The following UBAP2 variants were observed in gnomAD, a reference collection of about 807,000 sequenced individuals.
UBAP2 encodes ubiquitin-associated protein 2.
Under a neutral mutation model 139.6 loss-of-function variants are expected in UBAP2, and 75 were observed. The ratio of observed to expected loss-of-function variants is 0.54; its 90% CI spans 0.45 to 0.65. The LOEUF is 0.65. Ranked by LOEUF, UBAP2 falls within the 30% of genes least tolerant of loss-of-function variation. The pLI is 0.00. For synonymous variants in UBAP2, 526 were observed against 526.2 expected (o/e 1.00, Z 0.01); for missense variants, 1,368 against 1,369.6 (o/e 1.00, Z 0.02).
intron 6 of UBAP2, among the ~76,000 whole-genome samples, chr9:33,979,185 C>T (rs1820418976): frequency 6.6e-6 from 1 of 152,184 alleles, no homozygotes; most frequent in South Asian, 2.1e-4. Flanking sequence ...TTGCAGTGAG[C>T]TATGATCATG....
At chr9:34,045,219 G>A (rs889615065) in intron 1 of UBAP2, among the ~76,000 whole-genome samples, 1 of 151,586 alleles carries the variant, frequency 6.6e-6, no homozygotes, top group Non-Finnish European at 1.5e-5. Context: ...GGCGGCAGGC[G>A]CCAGTAGTCC....
chr9:34,045,323 G>A (rs1256760381), intron 1 of UBAP2, among the ~76,000 whole-genome samples: 2 of 150,214 alleles, frequency 1.3e-5, no homozygotes, highest in Non-Finnish European at 2.9e-5. Context: ...TCCAATTTGG[G>A]CAACAGTGAG....
intron 12 of UBAP2, 141 bp downstream of exon 12, chr9:33,953,144 C>G: frequency 1.2e-6 from 1 of 804,264 alleles, no homozygotes. Flanking sequence ...GCTGGGATTA[C>G]AGGCATGAGC....
intron 1 of UBAP2, among the ~76,000 whole-genome samples, chr9:34,027,190 T>C (rs568104407): frequency 6.6e-6 from 1 of 152,114 alleles, no homozygotes; most frequent in East Asian, 1.9e-4. Context: ...ATTAAGAATC[T>C]GAGGCCAAGG....
intron 8 of UBAP2, among the ~76,000 whole-genome samples, chr9:33,964,509 A>C (rs189959098): frequency 2.6e-5 from 4 of 152,232 alleles, no homozygotes; most frequent in Admixed American, 2.6e-4. Context: ...AAAGCCATGG[A>C]AGCCAGCACA....
intron 5 of UBAP2, 34 bp from the exon 6 acceptor site, chr9:33,986,871 A>C: frequency 6.3e-7 from 1 of 1,582,188 alleles, no homozygotes. Flanking sequence ...TCAAATTTCC[A>C]TTTCCAAACC....
At chr9:34,031,853 T>C (rs955397634) in intron 1 of UBAP2, among the ~76,000 whole-genome samples, 1 of 151,108 alleles carries the variant, frequency 6.6e-6, no homozygotes, top group Non-Finnish European at 1.5e-5. Flanking sequence ...AAAGTGCTAA[T>C]AGGCCAGGTG....
intron 6 of UBAP2, among the ~76,000 whole-genome samples, chr9:33,985,339 G>A (rs1371512528): frequency 2.0e-5 from 3 of 152,014 alleles, no homozygotes; most frequent in Admixed American, 6.6e-5. Context: ...CTATGTGTTG[G>A]GAACTTTTCA....
chr9:34,009,528 G>A (rs947626849), intron 2 of UBAP2, among the ~76,000 whole-genome samples: 5 of 152,132 alleles, frequency 3.3e-5, no homozygotes, highest in African/African-American at 1.2e-4. Context: ...CCAAAGTGTT[G>A]AGATTACAGG....
Position 33,996,215 on chromosome 9 carries a change from ATACT to A in UBAP2, c.288+4_288+7del. 1 of 1,592,866 alleles carries A rather than the reference ATACT, an allele frequency of 6.3e-7. No individual in the cohort carries two copies. The highest frequency in any genetic ancestry group is 8.6e-7 in the Non-Finnish European group (1 of 1,162,946). On this transcript the variant is annotated splice_donor_5th_base_variant and intron_variant, in intron 4 of 28. Coordinates refer to ENST00000379238, the MANE Select transcript of UBAP2 (RefSeq NM_001370062.2). Reference sequence around the variant, plus strand: ...TGTAAACAATGCAAATCAATTAATAATACTTACTGTGTCTGAATTCCCTTCCAGC... The same window carrying A: ...TGTAAACAATGCAAATCAATTAATAATACTGTGTCTGAATTCCCTTCCAGC...
intron 16 of UBAP2, among the ~76,000 whole-genome samples, chr9:33,938,544 C>A (rs1408916166): frequency 6.6e-6 from 1 of 152,164 alleles, no homozygotes; most frequent in African/African-American, 2.4e-5. Context: ...CGCCTGTAAT[C>A]CCAGCACTTT....
chr9:34,016,358 C>T (rs1193275046), intron 2 of UBAP2, among the ~76,000 whole-genome samples: 2 of 35,100 alleles, frequency 5.7e-5, no homozygotes, highest in African/African-American at 1.1e-4. Flanking sequence ...GAGGCAGCAG[C>T]GGCGGCAGCG....
chr9:34,005,354 G>A (rs1303530309), intron 2 of UBAP2, among the ~76,000 whole-genome samples: 1 of 145,670 alleles, frequency 6.9e-6, no homozygotes, highest in Non-Finnish European at 1.5e-5. Context: ...AGAATCGCTT[G>A]AACCTGGGAG....
At chr9:34,024,872 TA>T (rs996922257) in intron 1 of UBAP2, among the ~76,000 whole-genome samples, 71 of 151,938 alleles carry the variant, frequency 4.7e-4, no homozygotes, top group African/African-American at 1.7e-3. Flanking sequence ...TAATCCCAGC[TA>T]TTTGGGAGGC....
At chr9:33,968,361 C>T in intron 8 of UBAP2, 1 of 577,632 alleles carries the variant, frequency 1.7e-6, no homozygotes, top group South Asian at 1.4e-5. Context: ...TGAGGTTCAA[C>T]AATAACATCA....
chr9:34,018,603 C>T (rs902999463), intron 1 of UBAP2, among the ~76,000 whole-genome samples: 7 of 152,318 alleles, frequency 4.6e-5, no homozygotes, highest in Non-Finnish European at 1.0e-4. Flanking sequence ...GTCACTCACG[C>T]CTGTAATCCC....
chr9:34,022,621 T>C (rs1325651834), intron 1 of UBAP2, among the ~76,000 whole-genome samples: 1 of 151,670 alleles, frequency 6.6e-6, no homozygotes, highest in Non-Finnish European at 1.5e-5. Flanking sequence ...GTATTTTTAG[T>C]AGAGATGGGG....
rs1392044694 is a variant in UBAP2, at chr9:33,923,016, T to C, written c.3022A>G (p.Ser1008Gly). ...GTCATATCAGGTAGACCAGTGGTGC[T>C]TGAAGACACTGATACTCCTAGGAGG... ...GPGKGVSVSS[S>G]TTGLPDMTGS... is the part of the protein sequence containing the mutation. The change falls in exon 27 of 29, where the codon AGC (serine) becomes GGC (glycine). Residue 1008 changes from serine to glycine, a missense_variant. By Grantham distance (56) the Ser-to-Gly change is moderately conservative (BLOSUM62 0). Coordinates refer to ENST00000379238, the MANE Select transcript of UBAP2 (RefSeq NM_001370062.2). The C allele has an allele frequency of 2.5e-6, 4 of 1,614,052 alleles. No homozygotes were observed. Among genetic ancestry groups the C allele is most frequent in the African/African-American group, 1.3e-5 (1 of 74,924 alleles).
intron 1 of UBAP2, among the ~76,000 whole-genome samples, chr9:34,048,540 G>A (rs993123021): frequency 5.9e-5 from 9 of 152,324 alleles, no homozygotes; most frequent in Non-Finnish European, 1.2e-4. Flanking sequence ...CGAAAGGGGG[G>A]AGGGGAGGCA....
Sources: gnomAD v4.1 joint callset for allele counts (sites outside exome capture counted in the v4.1 genomes callset) on GRCh38, gnomAD v4.1.1 for gene constraint, MANE v1.5 for transcripts, NCBI Gene and HGNC (gene_info 2026-07-23, HGNC 2026-07-21) for gene names.